NAMPT: variants seen among roughly 807,000 people sequenced by gnomAD.
NAMPT encodes the protein NAmPRTase.
In NAMPT, 7 loss-of-function variants were observed where a neutral mutation model predicts 58.7. The ratio of observed to expected loss-of-function variants is 0.12; its 90% CI spans 0.07 to 0.22. The LOEUF (loss-of-function observed/expected upper bound fraction) is 0.22, where lower values mean the gene tolerates loss of function less well. Ranked by LOEUF, NAMPT falls within the 10% of genes least tolerant of loss-of-function variation. NAMPT has a pLI of 1.00. For missense variants in NAMPT, 271 were observed against 567.9 expected (o/e 0.48, Z 5.31); for synonymous variants, 145 against 198.1 (o/e 0.73, Z 2.25).
chr7:106,266,068 G>C (rs1221477324), intron 6 of NAMPT, among the ~76,000 whole-genome samples: 4 of 152,198 alleles, frequency 2.6e-5, no homozygotes, highest in Non-Finnish European at 4.4e-5. Flanking sequence ...ATGAAGAACA[G>C]AGAGATAAGT....
chr7:106,260,874 G>C (rs1792289905), intron 8 of NAMPT, among the ~76,000 whole-genome samples: 1 of 152,190 alleles, frequency 6.6e-6, no homozygotes. Context: ...GGTGTGCCCT[G>C]TGGTGCCCTA....
intron 2 of NAMPT, 43 bp downstream of exon 2, chr7:106,276,978 TAA>T: frequency 7.0e-7 from 1 of 1,435,604 alleles, no homozygotes; most frequent in Non-Finnish European, 9.8e-7. Context: ...CTAAAGGAGT[TAA>T]GAGTAATAAG....
chr7:106,266,241 A>G (rs987643917), intron 6 of NAMPT, among the ~76,000 whole-genome samples: 7 of 152,214 alleles, frequency 4.6e-5, no homozygotes, highest in Non-Finnish European at 4.4e-5. Context: ...TACAAATGCA[A>G]TCAATATGAG....
chr7:106,270,818 C>CT (rs1159776983), intron 4 of NAMPT, among the ~76,000 whole-genome samples: 2 of 152,204 alleles, frequency 1.3e-5, no homozygotes, highest in African/African-American at 4.8e-5. Context: ...ATGCCTAAGT[C>CT]TAAGCAAGAG....
chr7:106,282,060 TAGGCA>T (rs1407335896), intron 1 of NAMPT, among the ~76,000 whole-genome samples: 5 of 152,172 alleles, frequency 3.3e-5, no homozygotes, highest in Admixed American at 1.3e-4. Flanking sequence ...TATGAATGCA[TAGGCA>T]GTCTCTGGGG....
At position 106,248,765 on chromosome 7, in the gene NAMPT, T is replaced by A. The variant is rs1792060007; in HGVS notation, c.*2318A>T. 6.6e-6 allele frequency: 1 copy of A among 152,102 alleles called. No individual in the cohort carries two copies. Among genetic ancestry groups the A allele is most frequent in the Non-Finnish European group, 1.5e-5 (1 of 67,984 alleles). The allele number at this position is 152,102 out of a possible 1,614,324, so 9.4% of individuals were successfully genotyped here. A position where few individuals can be genotyped will look rare whatever the true frequency, so the allele number is the denominator to read the frequency against. ...TTTTGTCTGGAAGATTTAGACTGAT[T>A]TAAGGGTGACACACAGCAGAGTTCT... is the stretch of plus-strand genomic sequence containing the variant. On this transcript the variant is annotated 3_prime_UTR_variant, in exon 11 of 11. Transcript: ENST00000222553.
At chr7:106,281,092 A>C (rs992968761) in intron 1 of NAMPT, among the ~76,000 whole-genome samples, 7 of 150,872 alleles carry the variant, frequency 4.6e-5, no homozygotes, top group African/African-American at 1.7e-4. Context: ...AATGCCTAGA[A>C]CAAAAACGGT....
upstream of NAMPT, chr7:106,285,105 C>G (rs1414397482): frequency 1.5e-6 from 2 of 1,341,424 alleles, no homozygotes; most frequent in Non-Finnish European, 9.6e-7. Context: ...TGCTCGCAGT[C>G]TGGGAGCTCT....
chr7:106,273,935 AAAC>A (rs965674758), intron 3 of NAMPT, among the ~76,000 whole-genome samples: 32 of 152,006 alleles, frequency 2.1e-4, no homozygotes, highest in African/African-American at 7.0e-4. Flanking sequence ...TCAATGTAAG[AAAC>A]TTTCGTTTGT....
At chr7:106,252,686 C>A (rs1022290146) in intron 10 of NAMPT, among the ~76,000 whole-genome samples, 1 of 152,012 alleles carries the variant, frequency 6.6e-6, no homozygotes, top group South Asian at 2.1e-4. Flanking sequence ...CAAGGTTTCA[C>A]CATTTATTAT....
upstream of NAMPT, chr7:106,285,045 C>T: frequency 7.4e-7 from 1 of 1,356,758 alleles, no homozygotes; most frequent in Non-Finnish European, 9.6e-7. Context: ...CAGAGGAGGG[C>T]GGGCCCGGGA....
At chr7:106,285,107 G>A, upstream of NAMPT, 2 of 1,341,376 alleles carry the variant, frequency 1.5e-6, no homozygotes, top group Non-Finnish European at 1.9e-6. Flanking sequence ...CTCGCAGTCT[G>A]GGAGCTCTGG....
Position 106,275,027 on chromosome 7 carries a change from T to A in NAMPT, c.237A>T (p.Lys79Asn). The change falls in exon 3 of 11, where the codon AAA becomes AAT. Residue 79 changes from lysine (K) to asparagine (N), a missense_variant. By Grantham distance (94) the Lys-to-Asn change is moderately conservative. Coordinates refer to ENST00000222553, the MANE Select transcript of NAMPT (RefSeq NM_005746.3). ...YLKGKVVTKE[K>N]IQEAKDVYKE... ...TGTAGACATCTTTGGCTTCCTGGAT[T>A]TTCTCTTTGGTTACTACTTTACCTA... 6.2e-7 allele frequency: 1 copy of A among 1,610,648 alleles called. No individual in the cohort carries two copies. The highest frequency in any genetic ancestry group is 8.5e-7 in the Non-Finnish European group (1 of 1,176,952).
At chr7:106,265,994 A>G (rs549225438) in intron 6 of NAMPT, among the ~76,000 whole-genome samples, 13 of 152,208 alleles carry the variant, frequency 8.5e-5, no homozygotes, top group Non-Finnish European at 1.6e-4. Flanking sequence ...TTTATCATCA[A>G]TGACCTTGTC....
Position 106,263,613 on chromosome 7 carries a change from T to C in NAMPT, c.748A>G (p.Ile250Val), listed in dbSNP as rs764934281. 1 of 1,611,756 alleles carries C rather than the reference T, an allele frequency of 6.2e-7. No individual in the cohort carries two copies. The highest frequency in any genetic ancestry group is 1.1e-5 in the South Asian group (1 of 90,990). Reference protein sequence around the residue: ...YSVPAAEHSTITAWGKDHEKD... With the variant: ...YSVPAAEHSTVTAWGKDHEKD... Reference sequence around the variant, plus strand: ...TCATGGTCTTTCCCCCAAGCTGTTATGGTACTAGAAAAAAAAATGAAAACA... The same window carrying C: ...TCATGGTCTTTCCCCCAAGCTGTTACGGTACTAGAAAAAAAAATGAAAACA... The change falls in exon 7 of 11, where the codon ATA becomes GTA. Residue 250 changes from isoleucine (I) to valine (V), a missense_variant. This residue lies in a region of NAMPT where 143 missense variants were observed against 331.1 expected (regional missense o/e 0.43). Transcript: ENST00000222553.
rs78910620 is a variant in NAMPT at position 106,259,878 on chromosome 7, CTTT to C, written c.1089+1707_1089+1709del. Among the ~76,000 whole-genome samples, 371 of 132,796 alleles carry C rather than the reference CTTT, an allele frequency of 2.8e-3. 3 individuals carry two copies. Among genetic ancestry groups the C allele is most frequent in the African/African-American group, 9.0e-3 (316 of 35,278 alleles). The allele number at this position is 132,796 out of a possible 152,430, so 87.1% of individuals were successfully genotyped here. On this transcript the variant is annotated intron_variant, in intron 8 of 10. Transcript: ENST00000222553. ...ATCTGCAATGATATTTCGAAACAAT[CTTT>C]TTTTTTTTTTTTTTTCCTGAGCAGT...
rs769070307 is a variant in NAMPT, at chr7:106,267,840, C to CAAAAAAAAAAAAAAAAAAAAAAAA, written c.743+600_743+623dup. ...TGGGCGACAGAGCGAGACTCCGTCT[C>CAAAAAAAAAAAAAAAAAAAAAAAA]AAAAAAAAAAAAAAAAAAAAAAAAA... On this transcript the variant is annotated intron_variant, in intron 6 of 10. Coordinates refer to ENST00000222553, the MANE Select transcript of NAMPT (RefSeq NM_005746.3). Among the ~76,000 whole-genome samples the CAAAAAAAAAAAAAAAAAAAAAAAA allele has an allele frequency of 3.9e-4, 13 of 33,172 alleles. 3 individuals carry two copies. The highest frequency in any genetic ancestry group is 2.3e-3 in the East Asian group (2 of 858). The allele number at this position is 33,172 out of a possible 152,430, so 21.8% of individuals were successfully genotyped here.
At chr7:106,281,977 G>A (rs1792773935) in intron 1 of NAMPT, among the ~76,000 whole-genome samples, 2 of 151,846 alleles carry the variant, frequency 1.3e-5, no homozygotes, top group South Asian at 4.2e-4. Flanking sequence ...TTTATTTATG[G>A]TGCTCAAGTT....
upstream of NAMPT, chr7:106,285,203 G>A (rs1792850916): frequency 9.8e-7 from 1 of 1,016,322 alleles, no homozygotes; most frequent in Non-Finnish European, 1.1e-6. Context: ...GCGCTGCGCA[G>A]TGCGCGGAGG....
Sources: allele counts gnomAD v4.1 joint callset (sites outside exome capture counted in the v4.1 genomes callset), GRCh38; gene constraint gnomAD v4.1.1; regional missense constraint gnomAD v4.1.1; transcripts MANE v1.5; gene names NCBI Gene and HGNC (gene_info 2026-07-23, HGNC 2026-07-21).